VIPR2: variants seen among roughly 807,000 people sequenced by gnomAD.
The protein encoded by VIPR2 is vasoactive intestinal polypeptide receptor 2.
Under a neutral mutation model 58.0 loss-of-function variants are expected in VIPR2, and 48 were observed. The ratio of observed to expected loss-of-function variants is 0.83; its 90% confidence interval spans 0.66 to 1.05. VIPR2 has a LOEUF of 1.05. Ranked by LOEUF, VIPR2 falls within the 50% of genes least tolerant of loss-of-function variation. The pLI is 0.00. For synonymous variants in VIPR2, 243 were observed against 235.2 expected (o/e 1.03, Z -0.30); for missense variants, 534 against 558.0 (o/e 0.96, Z 0.43).
intron 2 of VIPR2, among the ~76,000 whole-genome samples, chr7:159,137,704 T>C (rs1797287721): frequency 6.6e-6 from 1 of 152,130 alleles, no homozygotes; most frequent in African/African-American, 2.4e-5. Context: ...TCCCAACCAA[T>C]AAACAGTTAT....
At chr7:159,067,714 C>A (rs960678338) in intron 4 of VIPR2, among the ~76,000 whole-genome samples, 4 of 152,176 alleles carry the variant, frequency 2.6e-5, no homozygotes, top group Admixed American at 6.5e-5. Flanking sequence ...GGGAGTGGCT[C>A]GGTCACAGCA....
At position 159,142,565 on chromosome 7, in the gene VIPR2, A is replaced by T; in HGVS notation, c.52-20T>A. The T allele has an allele frequency of 6.4e-7, 1 of 1,568,346 alleles. No individual in the cohort carries two copies. Among genetic ancestry groups the T allele is most frequent in the Non-Finnish European group, 8.7e-7 (1 of 1,146,108 alleles). The stretch of plus-strand genomic sequence containing the variant: ...GTTCACCTGTTCACGGTTAAAAGAA[A>T]TATTAATAACTAAAAATTCCACAAG... On this transcript the variant is annotated intron_variant, in intron 1 of 12. Coordinates refer to ENST00000262178, the MANE Select transcript of VIPR2 (RefSeq NM_003382.5).
At chr7:159,052,719 A>G (rs1272860452) in intron 5 of VIPR2, among the ~76,000 whole-genome samples, 2 of 152,224 alleles carry the variant, frequency 1.3e-5, no homozygotes, top group Non-Finnish European at 2.9e-5. Context: ...TAATTTAGGA[A>G]TGAAAGGTGG....
In VIPR2 at chr7:159,142,433, G is replaced by C. The variant is rs1452631242; in HGVS notation, c.151+13C>G. On this transcript the variant is annotated intron_variant, in intron 2 of 12. Coordinates refer to ENST00000262178, the MANE Select transcript of VIPR2 (RefSeq NM_003382.5). The stretch of plus-strand genomic sequence containing the variant: ...TGTCACGGGAGTTCTTACTCACCAA[G>C]CCTCTGCCTTACCTTTGTGTTTTTC... 6.2e-7 allele frequency: 1 copy of C among 1,607,614 alleles called. No homozygotes were observed. The highest frequency in any genetic ancestry group is 8.5e-7 in the Non-Finnish European group (1 of 1,174,850).
At chr7:159,069,629 C>G (rs1222573888) in intron 4 of VIPR2, among the ~76,000 whole-genome samples, 1 of 152,174 alleles carries the variant, frequency 6.6e-6, no homozygotes, top group African/African-American at 2.4e-5. Flanking sequence ...TTCTGTCCCT[C>G]TCTCTGCCTG....
At position 159,031,952 on chromosome 7, in the gene VIPR2, G is replaced by T; in HGVS notation, c.1087C>A (p.Leu363Ile). ...CGCACACCTACCTGGAACGACCCGA[G>T]GCACAGCTCAAACAGTATCTGGTAT... is the stretch of plus-strand genomic sequence containing the variant. The part of the protein sequence containing the change: ...SKYQILFELC[L>I]GSFQGLVVAV... Residue 363 changes from leucine to isoleucine, a missense_variant, in exon 11 of 13, where the codon CTC becomes ATC. Physicochemically the swap from Leu to Ile is conservative, Grantham distance 5. Coordinates refer to ENST00000262178, the MANE Select transcript of VIPR2 (RefSeq NM_003382.5). This position sits in a 1 kb window ranked among gnomAD's most constrained non-coding sequence, Gnocchi z 4.0. The T allele has an allele frequency of 6.2e-7, 1 of 1,614,192 alleles. No homozygotes were observed. Among genetic ancestry groups the T allele is most frequent in the Non-Finnish European group, 8.5e-7 (1 of 1,180,048 alleles).
At chr7:159,040,882 T>C (rs1422540671) in intron 6 of VIPR2, among the ~76,000 whole-genome samples, 1 of 152,198 alleles carries the variant, frequency 6.6e-6, no homozygotes, top group East Asian at 1.9e-4. Flanking sequence ...CTGTCCTCTG[T>C]CCCTTCCCTC....
intron 3 of VIPR2, among the ~76,000 whole-genome samples, chr7:159,107,222 G>A (rs528156858): frequency 4.6e-5 from 7 of 152,322 alleles, no homozygotes; most frequent in South Asian, 2.1e-4. Context: ...CTGAGCTGCT[G>A]CCCTGGGTCT....
At chr7:159,138,358 G>C (rs1797445739) in intron 2 of VIPR2, among the ~76,000 whole-genome samples, 1 of 152,204 alleles carries the variant, frequency 6.6e-6, no homozygotes, top group African/African-American at 2.4e-5. Context: ...ATGAGAAAGT[G>C]GGCTAAAATA....
Position 159,098,505 on chromosome 7 carries a change from A to G in VIPR2, c.357+5252T>C, listed in dbSNP as rs1004030988. ...AGGGAGACTGATCCCTGGCTGGCTT[A>G]TCTGCTTCAGGATCTGACTGCAGCA... On this transcript the variant is annotated intron_variant, in intron 4 of 12. Coordinates refer to ENST00000262178, the MANE Select transcript of VIPR2 (RefSeq NM_003382.5). The surrounding 1 kb of genome is among the most constrained non-coding windows in gnomAD (Gnocchi z 5.2). 2.0e-5 allele frequency among the ~76,000 whole-genome samples: 3 copies of G among 152,168 alleles called. No homozygotes were observed. The highest frequency in any genetic ancestry group is 4.4e-5 in the Non-Finnish European group (3 of 68,024).
At chr7:159,056,745 A>AT (rs941055424) in intron 5 of VIPR2, among the ~76,000 whole-genome samples, 1 of 152,226 alleles carries the variant, frequency 6.6e-6, no homozygotes, top group Non-Finnish European at 1.5e-5. Context: ...CTTCCTGGGT[A>AT]TAATTACTGA....
chr7:159,034,635 G>A lies in VIPR2; in HGVS notation c.825C>T (p.Asn275=), dbSNP rs2071624. 352,273 of 1,610,454 alleles carry A rather than the reference G, an allele frequency of 0.22. 43,597 individuals carry two copies. The highest frequency in any genetic ancestry group is 0.54 in the East Asian group (24,299 of 44,812). ...YLEDTGCWDT[N]DHSVPWWVIR... is the part of the protein sequence containing the mutation. ...TGACCCACCAGGGCACACTGTGGTC[G>A]TTTGTATCCCAGCAACTGTCAGAGA... The change falls in exon 9 of 13, where the codon AAC becomes AAT. Residue 275 remains asparagine, a synonymous_variant. Transcript: ENST00000262178.
chr7:159,108,177 C>T (rs566546313), intron 3 of VIPR2, among the ~76,000 whole-genome samples: 1 of 152,302 alleles, frequency 6.6e-6, no homozygotes, highest in African/African-American at 2.4e-5. Flanking sequence ...TACAGTTATC[C>T]CACCAAATTT....
chr7:159,111,675 G>C (rs1290870070), intron 2 of VIPR2, among the ~76,000 whole-genome samples: 1 of 127,844 alleles, frequency 7.8e-6, no homozygotes, highest in African/African-American at 3.8e-5. Flanking sequence ...GCAAGATTCC[G>C]TCTCAAAAAA....
At chr7:159,106,163 A>G (rs1858634838) in intron 3 of VIPR2, among the ~76,000 whole-genome samples, 1 of 152,182 alleles carries the variant, frequency 6.6e-6, no homozygotes, top group South Asian at 2.1e-4. Flanking sequence ...TGAGCCTGTC[A>G]CTCATCCTCT....
rs964557813 is a variant in VIPR2 at position 159,097,470 on chromosome 7, G to T, written c.357+6287C>A. On this transcript the variant is annotated intron_variant, in intron 4 of 12. Transcript: ENST00000262178. This position sits in a 1 kb window ranked among gnomAD's most constrained non-coding sequence, Gnocchi z 5.3. ...TGCTGCTGAGGCCATTCCCGGGAAC[G>T]CCACACTCCGCCCTGGCCACCTCCA... Among the ~76,000 whole-genome samples the T allele has an allele frequency of 6.6e-6, 1 of 152,060 alleles. No homozygotes were observed. The highest frequency in any genetic ancestry group is 2.4e-5 in the African/African-American group (1 of 41,416).
intron 2 of VIPR2, among the ~76,000 whole-genome samples, chr7:159,137,993 G>A (rs1465948153): frequency 6.6e-6 from 1 of 152,192 alleles, no homozygotes; most frequent in South Asian, 2.1e-4. Context: ...AAACTGCTCG[G>A]TTCAGACCTT....
intron 4 of VIPR2, among the ~76,000 whole-genome samples, chr7:159,067,153 C>G (rs1214599178): frequency 6.6e-6 from 1 of 152,258 alleles, no homozygotes; most frequent in African/African-American, 2.4e-5. Flanking sequence ...ACGTTCCCAT[C>G]AGCGTAGACA....
At chr7:159,132,037 T>C (rs921526621) in intron 2 of VIPR2, among the ~76,000 whole-genome samples, 1 of 152,162 alleles carries the variant, frequency 6.6e-6, no homozygotes, top group Admixed American at 6.5e-5. Context: ...CATTCTTTGC[T>C]TTACTTCTGT....
Sources: gnomAD v4.1 joint callset for allele counts (sites outside exome capture counted in the v4.1 genomes callset) on GRCh38, gnomAD v4.1.1 for gene constraint, Gnocchi (gnomAD v3.1) non-coding constraint, MANE v1.5 for transcripts, NCBI Gene and HGNC (gene_info 2026-07-23, HGNC 2026-07-21) for gene names.